The following EEF2K variants were observed in gnomAD, a reference collection of about 807,000 sequenced individuals.
The protein encoded by EEF2K is alternative protein EEF2K.
In EEF2K, 70 loss-of-function variants were observed where a neutral mutation model predicts 93.8. That is an observed-to-expected ratio of 0.75 (90% CI 0.62 to 0.91). The LOEUF (loss-of-function observed/expected upper bound fraction) is 0.91. EEF2K is among the 40% of genes least tolerant of loss of function. The probability of loss-of-function intolerance (pLI) is 0.00; values close to 1 mark genes in which losing one functional copy is unlikely to be tolerated. For synonymous variants in EEF2K, 376 were observed against 380.8 expected (o/e 0.99, Z 0.15); for missense variants, 935 against 972.9 (o/e 0.96, Z 0.52).
chr16:22,240,962 G>GT (rs2047216180), intron 2 of EEF2K, among the ~76,000 whole-genome samples: 1 of 151,854 alleles, frequency 6.6e-6, no homozygotes, highest in Non-Finnish European at 1.5e-5. Flanking sequence ...TAGTGACAGG[G>GT]TTTTACCATG....
In EEF2K at chr16:22,284,712, G is replaced by A. The variant is rs1240588133; in HGVS notation, c.*716G>A. The A allele has an allele frequency of 1.3e-5, 2 of 151,546 alleles. No individual in the cohort carries two copies. Among genetic ancestry groups the A allele is most frequent in the Admixed American group, 6.6e-5 (1 of 15,190 alleles). The allele number at this position is 151,546 out of a possible 1,614,324, so 9.4% of individuals were successfully genotyped here. A position where few individuals can be genotyped will look rare whatever the true frequency, so the allele number is the denominator to read the frequency against. ...TCTTTTCAGGCTGGACTGAAATGTC[G>A]GGCCCATGGAGCCCTGTGTTTTGTG... On this transcript the variant is annotated 3_prime_UTR_variant, in exon 18 of 18. Coordinates refer to ENST00000263026, the MANE Select transcript of EEF2K (RefSeq NM_013302.5).
intron 6 of EEF2K, among the ~76,000 whole-genome samples, chr16:22,252,914 G>A (rs1567277761): frequency 6.6e-6 from 1 of 152,054 alleles, no homozygotes; most frequent in Admixed American, 6.6e-5. Context: ...CAGTATGGGG[G>A]AAACCACCCC....
In EEF2K at chr16:22,264,808, C is replaced by G; in HGVS notation, c.1378-10C>G. ...CGCTTTGGATCAGTGTAATTTCTTC[C>G]TCCGTTCAGGGCCACTCATACAGTA... On this transcript the variant is annotated splice_polypyrimidine_tract_variant and intron_variant, in intron 12 of 17. Transcript: ENST00000263026. 8 of 1,613,818 alleles carry G rather than the reference C, an allele frequency of 5.0e-6. No homozygotes were observed. Among genetic ancestry groups the G allele is most frequent in the Non-Finnish European group, 6.8e-6 (8 of 1,179,846 alleles).
intron 13 of EEF2K, among the ~76,000 whole-genome samples, chr16:22,265,738 A>T (rs974694694): frequency 6.6e-6 from 1 of 152,246 alleles, no homozygotes; most frequent in Admixed American, 6.5e-5. Context: ...GCCTGGCTGT[A>T]TCCTGCAAGA....
intron 13 of EEF2K, 120 bp from the exon 14 acceptor site, chr16:22,266,270 C>A (rs1240898420): frequency 7.1e-7 from 1 of 1,403,546 alleles, no homozygotes. Flanking sequence ...ACTTTGACAT[C>A]GTGAGGGTTC....
intron 2 of EEF2K, among the ~76,000 whole-genome samples, chr16:22,233,605 T>G (rs2047137894): frequency 6.6e-6 from 1 of 151,930 alleles, no homozygotes; most frequent in Admixed American, 6.6e-5. Context: ...GAGAATCACT[T>G]GAACCTGGGA....
At chr16:22,229,285 A>G (rs1176042541) in intron 2 of EEF2K, among the ~76,000 whole-genome samples, 1 of 152,190 alleles carries the variant, frequency 6.6e-6, no homozygotes, top group East Asian at 1.9e-4. Context: ...GTGCAATGTG[A>G]TCCTTCATGT....
chr16:22,233,507 C>T lies in EEF2K; in HGVS notation c.246+7532C>T, dbSNP rs1267835655. On this transcript the variant is annotated intron_variant, in intron 2 of 17. Coordinates refer to ENST00000263026, the MANE Select transcript of EEF2K (RefSeq NM_013302.5). ...CACCCTGGCCAACATGGTGAAACCC[C>T]GTCTCTACTAAAAATACAAAAAAAA... Among the ~76,000 whole-genome samples, 8 of 150,138 alleles carry T rather than the reference C, an allele frequency of 5.3e-5. No homozygotes were observed. In the East Asian group the frequency reaches 7.9e-4, roughly 15 times the overall value.
Position 22,284,153 on chromosome 16 carries a change from T to A in EEF2K, c.*157T>A. 1.4e-6 allele frequency: 1 copy of A among 709,596 alleles called. No individual in the cohort carries two copies. Among genetic ancestry groups the A allele is most frequent in the Non-Finnish European group, 2.4e-6 (1 of 424,804 alleles). 44.0% of individuals were successfully genotyped at this position (709,596 alleles called of 1,614,324 possible). A position where few individuals can be genotyped will look rare whatever the true frequency, so the allele number is the denominator to read the frequency against. On this transcript the variant is annotated 3_prime_UTR_variant, in exon 18 of 18. Transcript: ENST00000263026. ...TTCATTTTTTGACTCTTGAAAAATG[T>A]CTTTGCTCCTTGGCAGCTACCAGCA...
intron 16 of EEF2K, among the ~76,000 whole-genome samples, chr16:22,274,443 C>CAAAAAAA (rs755376945): frequency 2.9e-5 from 2 of 69,968 alleles, no homozygotes; most frequent in Non-Finnish European, 2.9e-5. Flanking sequence ...GATTCCCTCT[C>CAAAAAAA]AAAAAAAAAA....
chr16:22,273,207 T>G (rs1371894520), intron 15 of EEF2K, among the ~76,000 whole-genome samples: 1 of 152,220 alleles, frequency 6.6e-6, no homozygotes, highest in Non-Finnish European at 1.5e-5. Context: ...GATTAGCAGC[T>G]TAGGGCAGTT....
rs1168326917 is a variant in EEF2K, at chr16:22,251,448, C to G, written c.618+126C>G. On this transcript the variant is annotated intron_variant, in intron 6 of 17. Transcript: ENST00000263026. ...TTTTTTTTTGAGATGAAGTCTTGCT[C>G]TGTCACCCACCACCAAGGCTGGAGT... is the stretch of plus-strand genomic sequence containing the variant. The G allele has an allele frequency of 2.5e-6, 3 of 1,221,268 alleles. No homozygotes were observed. The East Asian group carries it at 8.1e-5, about 33-fold the overall frequency. The allele number at this position is 1,221,268 out of a possible 1,614,324, so 75.7% of individuals were successfully genotyped here. A position where few individuals can be genotyped will look rare whatever the true frequency, so the allele number is the denominator to read the frequency against.
At chr16:22,243,146 A>T (rs1343590835) in intron 2 of EEF2K, among the ~76,000 whole-genome samples, 1 of 152,058 alleles carries the variant, frequency 6.6e-6, no homozygotes, top group Non-Finnish European at 1.5e-5. Context: ...TTATCTATGA[A>T]TTTCACATAG....
intron 15 of EEF2K, among the ~76,000 whole-genome samples, chr16:22,268,831 C>A (rs1007285232): frequency 1.3e-5 from 2 of 151,878 alleles, no homozygotes; most frequent in African/African-American, 4.8e-5. Flanking sequence ...GTGGCATGCG[C>A]CTGTAATCCC....
At chr16:22,275,814 T>G (rs1171043615) in intron 16 of EEF2K, among the ~76,000 whole-genome samples, 1 of 151,852 alleles carries the variant, frequency 6.6e-6, no homozygotes, top group African/African-American at 2.4e-5. Flanking sequence ...CTAAATTTTG[T>G]ATTTTTAATA....
chr16:22,220,690 C>T (rs1444881903), intron 1 of EEF2K, among the ~76,000 whole-genome samples: 1 of 152,200 alleles, frequency 6.6e-6, no homozygotes. Flanking sequence ...AGCGATCTGC[C>T]CACCTTGGCC....
intron 15 of EEF2K, among the ~76,000 whole-genome samples, chr16:22,269,746 T>A (rs2047558204): frequency 6.6e-6 from 1 of 152,058 alleles, no homozygotes; most frequent in Admixed American, 6.6e-5. Context: ...CCAAATCAGA[T>A]CACATTCTGC....
intron 1 of EEF2K, among the ~76,000 whole-genome samples, chr16:22,213,137 A>C (rs1192255627): frequency 2.6e-5 from 4 of 152,104 alleles, no homozygotes; most frequent in Admixed American, 2.6e-4. Context: ...AAAATGAGCC[A>C]GGCATGGTGG....
At chr16:22,247,995 AT>A (rs1207894853) in intron 3 of EEF2K, among the ~76,000 whole-genome samples, 6 of 151,714 alleles carry the variant, frequency 4.0e-5, no homozygotes, top group Non-Finnish European at 7.4e-5. Flanking sequence ...TCAGCATATT[AT>A]TTATTCAGTC....
Sources: allele counts gnomAD v4.1 joint callset (sites outside exome capture counted in the v4.1 genomes callset), GRCh38; gene constraint gnomAD v4.1.1; transcripts MANE v1.5; gene names NCBI Gene and HGNC (gene_info 2026-07-23, HGNC 2026-07-21).